GNL3L: variants seen among roughly 807,000 people sequenced by gnomAD.
GNL3L encodes the protein G protein nucleolar 3 like.
Under a neutral mutation model 42.9 loss-of-function variants are expected in GNL3L, and 4 were observed. The ratio of observed to expected loss-of-function variants is 0.09; its 90% CI spans 0.05 to 0.21. The LOEUF is 0.21. Among genes scored for constraint, GNL3L ranks in the 10% least tolerant of loss-of-function variants. The pLI, the probability that GNL3L is intolerant of heterozygous loss-of-function variation, is 1.00. For missense variants in GNL3L, 412 were observed against 481.7 expected, an observed-to-expected ratio of 0.86 and a Z score of 1.36; for synonymous variants, 159 against 176.3, an observed-to-expected ratio of 0.90 and a Z score of 0.78.
rs913058714 is a variant in GNL3L at position 54,562,957 on chromosome X, G to T, written c.*2355G>T. Among the ~76,000 whole-genome samples the T allele has an allele frequency of 2.7e-5, 3 of 111,319 alleles. No individual in the cohort carries two copies. The highest frequency in any genetic ancestry group is 1.9e-4 in the Admixed American group (2 of 10,372). On this transcript the variant is annotated 3_prime_UTR_variant, in exon 16 of 16. Coordinates refer to ENST00000360845, the MANE Select transcript of GNL3L (RefSeq NM_001184819.2). ...AAGATTGATTAAGCCCCTACTTTGT[G>T]CCAGTCTCTGTTATCAAGTCCGTTA...
At chrX:54,557,770 G>A (rs145956056) in intron 14 of GNL3L, among the ~76,000 whole-genome samples, 314 of 110,669 alleles carry the variant, frequency 2.8e-3, no homozygotes, top group African/African-American at 9.8e-3. Flanking sequence ...TTGTAGAGAC[G>A]AAGGTCTCAT....
At position 54,601,048 on chromosome X, in the gene GNL3L, A is replaced by G. The variant is rs144089313; in HGVS notation, c.*46-19797A>G. 8.8e-3 allele frequency among the ~76,000 whole-genome samples: 991 copies of G among 112,388 alleles called. 3 individuals carry two copies. The highest frequency in any genetic ancestry group is 0.016 in the South Asian group (44 of 2,721). On this transcript the variant is annotated intron_variant, in intron 16 of 16. Transcript: ENST00000674498. ...GAAATGATGTATTGATCATGCTACAACATGGATAAACCTTGATACATTAAG... is the reference window on the plus strand; with the variant it reads ...GAAATGATGTATTGATCATGCTACAGCATGGATAAACCTTGATACATTAAG...
the GNL3L span, among the ~76,000 whole-genome samples, chrX:54,641,099 C>A: frequency 9.0e-6 from 1 of 111,001 alleles, no homozygotes; most frequent in Admixed American, 9.6e-5. Flanking sequence ...AGGGAGGTAT[C>A]CAGGAGACAG....
downstream of GNL3L, among the ~76,000 whole-genome samples, chrX:54,623,417 A>G (rs924894305): frequency 1.8e-5 from 2 of 111,548 alleles, no homozygotes; most frequent in Non-Finnish European, 3.8e-5. Context: ...GGCATGTGCC[A>G]CTACACCCGG....
intron 16 of GNL3L, among the ~76,000 whole-genome samples, chrX:54,610,056 T>C (rs1037168727): frequency 1.8e-5 from 2 of 112,255 alleles, no homozygotes; most frequent in African/African-American, 3.2e-5. Context: ...CTCGTAGAGG[T>C]CTTTCACATC....
Position 54,562,491 on chromosome X carries a change from G to C in GNL3L, c.*1889G>C, listed in dbSNP as rs1296660214. Among the ~76,000 whole-genome samples, 1 of 111,573 alleles carries C rather than the reference G, an allele frequency of 9.0e-6. No individual in the cohort carries two copies. The highest frequency in any genetic ancestry group is 1.9e-5 in the Non-Finnish European group (1 of 53,154). ...GGCAGGGAAGTACAAGACCACTCTT[G>C]TATTCAGGGGCAACCAAAGGAGAGA... On this transcript the variant is annotated 3_prime_UTR_variant, in exon 16 of 16. Transcript: ENST00000360845.
chrX:54,630,732 C>CTTTCTTTCTTTCTTTCTTTCTTTA, the GNL3L span, among the ~76,000 whole-genome samples: 1 of 79,468 alleles, frequency 1.3e-5, no homozygotes, highest in African/African-American at 7.0e-5. Context: ...TTCTTTCTTT[C>CTTTCTTTCTTTCTTTCTTTCTTTA]TTTCTTTCTC....
chrX:54,544,615 A>T (rs1179786761), intron 8 of GNL3L, among the ~76,000 whole-genome samples: 3 of 109,165 alleles, frequency 2.7e-5, no homozygotes, highest in African/African-American at 1.0e-4. Context: ...GATTACATGC[A>T]CGCGTCACCA....
the GNL3L span, among the ~76,000 whole-genome samples, chrX:54,643,452 T>A: frequency 9.0e-6 from 1 of 110,658 alleles, no homozygotes; most frequent in Non-Finnish European, 1.9e-5. Flanking sequence ...TCTTTTTAAA[T>A]AATTTAATTT....
rs150496451 is a variant in GNL3L at position 54,540,170 on chromosome X, A to C, written c.117A>C (p.Lys39Asn). The C allele has an allele frequency of 2.5e-6, 3 of 1,208,996 alleles. No individual in the cohort carries two copies. The highest frequency in any genetic ancestry group is 3.4e-6 in the Non-Finnish European group (3 of 893,055). ...AAAATGGGAAGAAAGCAACCTCCAAAGTGCCCTCTGCACCTCATTTTGTTC... is the reference window on the plus strand; with the variant it reads ...AAAATGGGAAGAAAGCAACCTCCAACGTGCCCTCTGCACCTCATTTTGTTC... ...AKQNGKKATS[K>N]VPSAPHFVHP... Residue 39 changes from lysine (K) to asparagine (N), a missense_variant, in exon 4 of 16, where the codon AAA (lysine) becomes AAC (asparagine). By Grantham distance (94) the Lys-to-Asn change is moderately conservative (BLOSUM62 0). Coordinates refer to ENST00000360845, the MANE Select transcript of GNL3L (RefSeq NM_001184819.2).
chrX:54,536,881 G>A (rs1400074579), intron 2 of GNL3L, among the ~76,000 whole-genome samples: 6 of 110,094 alleles, frequency 5.4e-5, no homozygotes, highest in Non-Finnish European at 1.1e-4. Context: ...AGAAAGGCAA[G>A]TGGTAATCTT....
At chrX:54,604,180 C>G (rs1926032507) in intron 16 of GNL3L, among the ~76,000 whole-genome samples, 4 of 111,681 alleles carry the variant, frequency 3.6e-5, no homozygotes, top group Admixed American at 2.9e-4. Context: ...GTGCCAGGCA[C>G]TGTCCCAGGT....
rs189477786 is a variant in GNL3L, at chrX:54,576,384, A to G, written c.*45+15737A>G. The stretch of plus-strand genomic sequence containing the variant: ...TCTTTTACTGTCAACCCATTTTTTT[A>G]TCTTTGAATACAAAGTGTGTCCCTT... On this transcript the variant is annotated intron_variant, in intron 16 of 16. Transcript: ENST00000674498. Among the ~76,000 whole-genome samples the G allele has an allele frequency of 5.4e-5, 6 of 112,026 alleles. No homozygotes were observed. In the East Asian group the frequency reaches 1.4e-3, roughly 26 times the overall value.
rs138393516 is a variant in GNL3L, at chrX:54,533,759, G to A, written c.19+1174G>A. Among the ~76,000 whole-genome samples, 932 of 109,868 alleles carry A rather than the reference G, an allele frequency of 8.5e-3. 12 individuals are homozygous for A. The highest frequency in any genetic ancestry group is 0.03 in the African/African-American group (886 of 30,000). On this transcript the variant is annotated intron_variant, in intron 2 of 15. Coordinates refer to ENST00000360845, the MANE Select transcript of GNL3L (RefSeq NM_001184819.2). Reference sequence around the variant, plus strand: ...ATTGCAGGCGTGAACCACCATGCCCGACCAAATAATCATATTTATAAGTAA... The same window carrying A: ...ATTGCAGGCGTGAACCACCATGCCCAACCAAATAATCATATTTATAAGTAA...
intron 16 of GNL3L, among the ~76,000 whole-genome samples, chrX:54,619,894 C>T (rs1387545940): frequency 3.6e-5 from 4 of 111,780 alleles, no homozygotes; most frequent in African/African-American, 1.3e-4. Context: ...GGGTGCTGTT[C>T]ACTAGCAGAA....
chrX:54,627,320 C>T, the GNL3L span, among the ~76,000 whole-genome samples: 1 of 111,560 alleles, frequency 9.0e-6, no homozygotes, highest in East Asian at 2.8e-4. Flanking sequence ...AAGTTAAACT[C>T]CTCATGTATT....
chrX:54,603,706 A>G (rs1266133749), intron 16 of GNL3L, among the ~76,000 whole-genome samples: 1 of 111,453 alleles, frequency 9.0e-6, no homozygotes, highest in African/African-American at 3.3e-5. Flanking sequence ...CGTTTTGCCC[A>G]TTATTGCAAT....
chrX:54,612,534 A>G (rs1156782871), intron 16 of GNL3L, among the ~76,000 whole-genome samples: 1 of 111,390 alleles, frequency 9.0e-6, no homozygotes, highest in African/African-American at 3.3e-5. Flanking sequence ...TGTGTGATTT[A>G]TGCTTTAAAG....
chrX:54,641,063 G>A, the GNL3L span, among the ~76,000 whole-genome samples: 4 of 111,362 alleles, frequency 3.6e-5, no homozygotes, highest in African/African-American at 1.3e-4. Flanking sequence ...AATACATTTA[G>A]TTCGAGGTGC....
Sources: allele counts gnomAD v4.1 joint callset (sites outside exome capture counted in the v4.1 genomes callset), GRCh38; gene constraint gnomAD v4.1.1; transcripts MANE v1.5; gene names NCBI Gene and HGNC (gene_info 2026-07-23, HGNC 2026-07-21).